The following CADPS variants were observed in gnomAD, a reference collection of about 807,000 sequenced individuals.
CADPS encodes the protein calcium-dependent secretion activator 1.
CADPS carries 57 observed loss-of-function variants against 167.3 expected under a neutral mutation model. That is an observed-to-expected ratio of 0.34 (90% CI 0.28 to 0.42). The LOEUF is 0.42. Among genes scored for constraint, CADPS ranks in the 20% least tolerant of loss-of-function variants. CADPS has a pLI of 1.00. For missense variants in CADPS, 1,414 were observed against 1,738.1 expected (o/e 0.81, Z 3.32); for synonymous variants, 676 against 635.3 (o/e 1.06, Z -0.96).
chr3:62,763,631 C>A (rs981732553), intron 2 of CADPS, among the ~76,000 whole-genome samples: 1 of 152,028 alleles, frequency 6.6e-6, no homozygotes, highest in Admixed American at 6.6e-5. Flanking sequence ...CTCCATAGCC[C>A]AAGGATGAAG....
At chr3:62,450,476 A>G (rs1302004886) in intron 26 of CADPS, among the ~76,000 whole-genome samples, 1 of 152,200 alleles carries the variant, frequency 6.6e-6, no homozygotes, top group Non-Finnish European at 1.5e-5. Flanking sequence ...CAGGTTCTCA[A>G]CTGCCCTCAA....
At position 62,514,279 on chromosome 3, in the gene CADPS, A is replaced by T. The variant is rs1178178154; in HGVS notation, c.2582-1511T>A. 6.6e-6 allele frequency among the ~76,000 whole-genome samples: 1 copy of T among 152,062 alleles called. No individual in the cohort carries two copies. The highest frequency in any genetic ancestry group is 2.4e-5 in the African/African-American group (1 of 41,426). On this transcript the variant is annotated intron_variant, in intron 16 of 29. Transcript: ENST00000383710. This position sits in a 1 kb window ranked among gnomAD's most constrained non-coding sequence, Gnocchi z 4.2. The stretch of plus-strand genomic sequence containing the variant: ...ATGGTGGACTATGTTCATGAAAGAA[A>T]ACCTGATACATGCAGCCAGAGGATG...
At chr3:62,843,068 A>T (rs575515745) in intron 1 of CADPS, among the ~76,000 whole-genome samples, 10 of 151,968 alleles carry the variant, frequency 6.6e-5, no homozygotes, top group African/African-American at 2.2e-4. Context: ...CTCTGGTATA[A>T]TTTTTTTTCA....
chr3:62,596,134 CACACACACAT>C (rs1248360438), intron 6 of CADPS, among the ~76,000 whole-genome samples: 34 of 102,758 alleles, frequency 3.3e-4, no homozygotes, highest in Admixed American at 1.3e-3. Flanking sequence ...CACACACACA[CACACACACAT>C]ATCCTATTAG....
chr3:62,865,692 A>C (rs1577580538), intron 1 of CADPS, among the ~76,000 whole-genome samples: 1 of 152,178 alleles, frequency 6.6e-6, no homozygotes, highest in African/African-American at 2.4e-5. Context: ...AAAAGTCCAT[A>C]TCTAAGAAGC....
intron 1 of CADPS, among the ~76,000 whole-genome samples, chr3:62,840,973 C>G (rs2076572616): frequency 6.6e-6 from 1 of 152,162 alleles, no homozygotes; most frequent in South Asian, 2.1e-4. Flanking sequence ...TACTAATAAT[C>G]TTGGTGCCTC....
At chr3:62,704,423 G>C (rs1346086598) in intron 3 of CADPS, among the ~76,000 whole-genome samples, 1 of 152,098 alleles carries the variant, frequency 6.6e-6, no homozygotes, top group Non-Finnish European at 1.5e-5. Context: ...GATTCACCCT[G>C]TTGCTCACAT....
chr3:62,807,508 T>C (rs2094162733), intron 1 of CADPS, among the ~76,000 whole-genome samples: 1 of 152,072 alleles, frequency 6.6e-6, no homozygotes, highest in Admixed American at 6.6e-5. Flanking sequence ...GTACTTCACC[T>C]GCCTCGGCCT....
chr3:62,662,397 G>A lies in CADPS; in HGVS notation c.889-3C>T. 2 of 1,613,568 alleles carry A rather than the reference G, an allele frequency of 1.2e-6. No individual in the cohort carries two copies. Among genetic ancestry groups the A allele is most frequent in the Non-Finnish European group, 1.7e-6 (2 of 1,179,622 alleles). On this transcript the variant is annotated splice_polypyrimidine_tract_variant and splice_region_variant and intron_variant, in intron 3 of 29. Transcript: ENST00000383710. ...GCTTGCTCATCTGGATTGTCCAGCT[G>A]CACAAAAGCACAGACATTGAGACTT...
At chr3:62,696,325 C>A (rs1366338155) in intron 3 of CADPS, among the ~76,000 whole-genome samples, 1 of 152,144 alleles carries the variant, frequency 6.6e-6, no homozygotes, top group African/African-American at 2.4e-5. Flanking sequence ...CCTGCAAACC[C>A]CCTGCCACTG....
intron 21 of CADPS, among the ~76,000 whole-genome samples, chr3:62,485,994 T>C (rs764998206): frequency 6.6e-6 from 1 of 152,180 alleles, no homozygotes; most frequent in Non-Finnish European, 1.5e-5. Context: ...GTACATTACT[T>C]GTCTATTTGA....
rs562879643 is a variant in CADPS at position 62,688,394 on chromosome 3, T to C, written c.889-26000A>G. On this transcript the variant is annotated intron_variant, in intron 3 of 29. Coordinates refer to ENST00000383710, the MANE Select transcript of CADPS (RefSeq NM_003716.4). ...GAATAGCAGTCTCTAATAGCATTGTTATAGCTAGTGAATTGTCTGGAAGTG... is the reference window on the plus strand; with the variant it reads ...GAATAGCAGTCTCTAATAGCATTGTCATAGCTAGTGAATTGTCTGGAAGTG... 4.6e-4 allele frequency among the ~76,000 whole-genome samples: 70 copies of C among 152,212 alleles called. 1 individual carries two copies. Among genetic ancestry groups the C allele is most frequent in the African/African-American group, 1.7e-3 (69 of 41,526 alleles).
intron 7 of CADPS, among the ~76,000 whole-genome samples, chr3:62,586,497 G>A (rs1323436955): frequency 4.6e-5 from 7 of 152,128 alleles, no homozygotes; most frequent in African/African-American, 1.7e-4. Context: ...GGAGGAGGAG[G>A]AGGCCATGGC....
chr3:62,582,310 G>C (rs992078547), intron 8 of CADPS, among the ~76,000 whole-genome samples: 3 of 152,154 alleles, frequency 2.0e-5, no homozygotes, highest in African/African-American at 7.2e-5. Flanking sequence ...GCTGGGTGTG[G>C]TGGTGCACAC....
intron 1 of CADPS, among the ~76,000 whole-genome samples, chr3:62,828,803 T>A (rs1025461233): frequency 2.0e-5 from 3 of 152,208 alleles, no homozygotes; most frequent in African/African-American, 4.8e-5. Context: ...AAGTTGCAAA[T>A]TGACTGCTTA....
intron 6 of CADPS, among the ~76,000 whole-genome samples, chr3:62,631,977 G>C (rs1446599452): frequency 6.6e-6 from 1 of 152,200 alleles, no homozygotes; most frequent in Non-Finnish European, 1.5e-5. Flanking sequence ...CCAACTGTCT[G>C]TTTGCCCCAG....
intron 28 of CADPS, among the ~76,000 whole-genome samples, chr3:62,407,629 T>A (rs1294576638): frequency 6.6e-5 from 10 of 152,198 alleles, no homozygotes. Context: ...AAAGAAATCA[T>A]GTATGTGGAG....
chr3:62,685,797 C>T (rs1166164115), intron 3 of CADPS, among the ~76,000 whole-genome samples: 1 of 152,002 alleles, frequency 6.6e-6, no homozygotes, highest in Non-Finnish European at 1.5e-5. Flanking sequence ...CTCGCATGTG[C>T]GGTTCACAGT....
rs549398517 is a variant in CADPS at position 62,813,295 on chromosome 3, C to T, written c.442-47311G>A. ...TAATCCAGTAGAACAGAATAGAGGA[C>T]CCAGAAATAAAGCCACACACCTACA... On this transcript the variant is annotated intron_variant, in intron 1 of 29. Transcript: ENST00000383710. Among the ~76,000 whole-genome samples, 6 of 152,010 alleles carry T rather than the reference C, an allele frequency of 3.9e-5. No individual in the cohort carries two copies. In the East Asian group the frequency reaches 1.2e-3, roughly 29 times the overall value.
Sources: allele counts gnomAD v4.1 joint callset (sites outside exome capture counted in the v4.1 genomes callset), GRCh38; gene constraint gnomAD v4.1.1; non-coding constraint Gnocchi (gnomAD v3.1); transcripts MANE v1.5; gene names NCBI Gene and HGNC (gene_info 2026-07-23, HGNC 2026-07-21).